ZFHX3: variants seen among roughly 807,000 people sequenced by gnomAD.
The protein encoded by ZFHX3 is zinc finger homeobox 3.
ZFHX3 carries 42 observed loss-of-function variants against 279.1 expected under a neutral mutation model. The observed-to-expected ratio is 0.15, with a 90% confidence interval of 0.12 to 0.19. The LOEUF is 0.19. Ranked by LOEUF, ZFHX3 falls within the 10% of genes least tolerant of loss-of-function variation. ZFHX3 has a pLI of 1.00. For synonymous variants in ZFHX3, 2,293 were observed against 1,957.8 expected (o/e 1.17, Z -4.52); for missense variants, 4,981 against 4,754.0 (o/e 1.05, Z -1.40).
intron 4 of ZFHX3, among the ~76,000 whole-genome samples, chr16:73,259,632 T>A (rs1218346219): frequency 6.6e-6 from 1 of 152,160 alleles, no homozygotes; most frequent in Non-Finnish European, 1.5e-5. Flanking sequence ...TTTGATGAAA[T>A]CTATCAAAAT....
intron 1 of ZFHX3, among the ~76,000 whole-genome samples, chr16:73,691,580 T>C (rs1276107620): frequency 6.6e-6 from 1 of 152,204 alleles, no homozygotes. Flanking sequence ...ATATCAAATA[T>C]TGTACCCGAT....
At chr16:73,366,960 C>A (rs867720267) in intron 3 of ZFHX3, among the ~76,000 whole-genome samples, 19 of 152,166 alleles carry the variant, frequency 1.2e-4, no homozygotes, top group African/African-American at 4.6e-4. Context: ...ACCCACATTA[C>A]AAATGATTTT....
upstream of ZFHX3, chr16:73,060,912 A>T (rs1205989397): frequency 6.6e-6 from 1 of 152,206 alleles, no homozygotes; most frequent in East Asian, 1.9e-4. Flanking sequence ...TCTTAAGAAC[A>T]TGCAGCTTCT....
intron 3 of ZFHX3, among the ~76,000 whole-genome samples, chr16:73,411,628 A>C (rs558209813): frequency 6.6e-6 from 1 of 152,336 alleles, no homozygotes; most frequent in African/African-American, 2.4e-5. Context: ...CTTGTTTTAA[A>C]ATTTTAAAAT....
In ZFHX3 at chr16:72,924,984, G is replaced by C. The variant is rs866684044; in HGVS notation, c.3216+25485C>G. The stretch of plus-strand genomic sequence containing the variant: ...GGGTCTTACTCCGGCGCCCCAGCTG[G>C]CAAGTCTGAACTCTGTCCAGGCAGT... On this transcript the variant is annotated intron_variant, in intron 3 of 9. Coordinates refer to ENST00000268489, the MANE Select transcript of ZFHX3 (RefSeq NM_006885.4). Among the ~76,000 whole-genome samples, 18 of 152,296 alleles carry C rather than the reference G, an allele frequency of 1.2e-4. No individual in the cohort carries two copies. The Middle Eastern group carries it at 0.01, about 86-fold the overall frequency.
intron 1 of ZFHX3, among the ~76,000 whole-genome samples, chr16:73,856,390 C>A (rs1961727808): frequency 6.6e-6 from 1 of 152,158 alleles, no homozygotes; most frequent in African/African-American, 2.4e-5. Flanking sequence ...GGTATTCAAA[C>A]TTAACTCCTT....
chr16:73,613,947 C>T (rs998110174), intron 2 of ZFHX3, among the ~76,000 whole-genome samples: 4 of 152,202 alleles, frequency 2.6e-5, no homozygotes, highest in Non-Finnish European at 5.9e-5. Flanking sequence ...ACACCCTCAG[C>T]ACACTGCAGT....
chr16:72,900,672 T>C (rs901748454), intron 3 of ZFHX3, among the ~76,000 whole-genome samples: 5 of 152,294 alleles, frequency 3.3e-5, no homozygotes, highest in East Asian at 3.9e-4. Flanking sequence ...TGAGCGTGCA[T>C]CGGAAGCACC....
Position 73,181,081 on chromosome 16 carries a change from G to GTTTGTTTTGTTTTGT in ZFHX3, c.-1103-37265_-1103-37251dup, listed in dbSNP as rs375983001. 1.1e-3 allele frequency among the ~76,000 whole-genome samples: 151 copies of GTTTGTTTTGTTTTGT among 143,030 alleles called. 1 individual carries two copies. Among genetic ancestry groups the GTTTGTTTTGTTTTGT allele is most frequent in the Middle Eastern group, 3.5e-3 (1 of 286 alleles). The allele number at this position is 143,030 out of a possible 152,430, so 93.8% of individuals were successfully genotyped here. ...AAGGCTGCAGCTAGTTTTTTTGTTT[G>GTTTGTTTTGTTTTGT]TTTGTTTTGTTTTGTTTTGTTTTGT... On this transcript the variant is annotated intron_variant, in intron 5 of 17. Transcript: ENST00000641206.
At chr16:73,483,580 C>A in intron 2 of ZFHX3, 1 of 333,994 alleles carries the variant, frequency 3.0e-6, no homozygotes. Context: ...AAGGGCCTAC[C>A]AGACCCTGGA....
At chr16:73,431,521 A>G (rs1452682040) in intron 3 of ZFHX3, among the ~76,000 whole-genome samples, 1 of 152,192 alleles carries the variant, frequency 6.6e-6, no homozygotes, top group Non-Finnish European at 1.5e-5. Context: ...AGCCTGGGTG[A>G]CAGAGGGAGA....
intron 7 of ZFHX3, among the ~76,000 whole-genome samples, chr16:73,096,872 A>T (rs1036793327): frequency 3.3e-5 from 5 of 152,132 alleles, no homozygotes; most frequent in Non-Finnish European, 1.5e-5. Context: ...ACAGAGGGGA[A>T]CTCAGTCAAG....
At chr16:73,119,768 G>C (rs145522411) in intron 7 of ZFHX3, among the ~76,000 whole-genome samples, 5 of 152,252 alleles carry the variant, frequency 3.3e-5, no homozygotes, top group Non-Finnish European at 7.4e-5. Context: ...CTGCAGCCTT[G>C]AATTCCTGAG....
At chr16:73,483,706 C>T (rs544603716) in intron 2 of ZFHX3, among the ~76,000 whole-genome samples, 25 of 152,176 alleles carry the variant, frequency 1.6e-4, no homozygotes, top group Admixed American at 5.2e-4. Flanking sequence ...GTATAGTATG[C>T]AAATATCGAC....
intron 1 of ZFHX3, among the ~76,000 whole-genome samples, chr16:73,018,962 C>A (rs949438434): frequency 3.3e-5 from 5 of 152,184 alleles, no homozygotes; most frequent in African/African-American, 1.2e-4. Context: ...CTTCTAAGGA[C>A]ACACACCTCA....
chr16:72,983,259 C>T (rs1962689777), intron 1 of ZFHX3, among the ~76,000 whole-genome samples: 1 of 152,230 alleles, frequency 6.6e-6, no homozygotes, highest in Non-Finnish European at 1.5e-5. Flanking sequence ...TTAGGAAGAG[C>T]ATTAATGCGG....
rs568255107 is a variant in ZFHX3 at position 72,904,425 on chromosome 16, T to C, written c.3217-14463A>G. Among the ~76,000 whole-genome samples the C allele has an allele frequency of 8.1e-4, 122 of 150,058 alleles. 1 individual carries two copies. The highest frequency in any genetic ancestry group is 2.9e-3 in the African/African-American group (118 of 40,860). On this transcript the variant is annotated intron_variant, in intron 3 of 9. Coordinates refer to ENST00000268489, the MANE Select transcript of ZFHX3 (RefSeq NM_006885.4). ...AAATAAATAAATAAATAAATAAAAA[T>C]TGTGGGCTGAAAGTTTGAACAGATG...
chr16:73,771,934 G>A (rs2054022732), intron 1 of ZFHX3, among the ~76,000 whole-genome samples: 1 of 152,060 alleles, frequency 6.6e-6, no homozygotes, highest in Admixed American at 6.6e-5. Flanking sequence ...CCTTTCTTCT[G>A]GGAGGATATA....
chr16:72,977,146 T>C (rs942646640), intron 1 of ZFHX3, among the ~76,000 whole-genome samples: 18 of 152,226 alleles, frequency 1.2e-4, no homozygotes, highest in Non-Finnish European at 2.9e-5. Flanking sequence ...TGGCTCCTCT[T>C]AGGTAACCCA....
Sources: gnomAD v4.1 joint callset for allele counts (sites outside exome capture counted in the v4.1 genomes callset) on GRCh38, gnomAD v4.1.1 for gene constraint, MANE v1.5 for transcripts, NCBI Gene and HGNC (gene_info 2026-07-23, HGNC 2026-07-21) for gene names.